The following RAD21L1 variants were observed in gnomAD, a reference collection of about 807,000 sequenced individuals.
RAD21L1 encodes the protein RAD21 cohesin complex component like 1.
Under a neutral mutation model 69.0 loss-of-function variants are expected in RAD21L1, and 47 were observed. The ratio of observed to expected loss-of-function variants is 0.68; its 90% CI spans 0.54 to 0.87. RAD21L1 has a LOEUF of 0.87. RAD21L1 is among the 40% of genes least tolerant of loss of function. RAD21L1 has a pLI of 0.00. For missense variants in RAD21L1, 583 were observed against 647.6 expected, an observed-to-expected ratio of 0.90 and a Z score of 1.08; for synonymous variants, 177 against 205.8, an observed-to-expected ratio of 0.86 and a Z score of 1.20.
rs932907453 is a variant in RAD21L1, at chr20:1,254,292, G to A, written c.1503G>A (p.Gln501=). 3 of 1,534,420 alleles carry A rather than the reference G, an allele frequency of 2.0e-6. No homozygotes were observed. The highest frequency in any genetic ancestry group is 1.7e-4 in the Middle Eastern group (1 of 5,910). The change falls in exon 14 of 14, where the codon CAG becomes CAA. Residue 501 remains glutamine, a synonymous_variant. Coordinates refer to ENST00000683101, the MANE Select transcript of RAD21L1 (RefSeq NM_001384355.1). ...RLRESNKMGM[Q]SFSLMKLCRN... ...AGGAATCTAACAAGATGGGAATGCA[G>A]TCCTTTAGTCTGATGAAGCTCTGTA...
intron 7 of RAD21L1, 136 bp from the exon 8 acceptor site, chr20:1,240,185 T>G: frequency 7.3e-7 from 1 of 1,368,386 alleles, no homozygotes; most frequent in African/African-American, 1.5e-5. Flanking sequence ...AAATAAATGG[T>G]TCTAAGAATT....
Position 1,230,055 on chromosome 20 carries a change from A to G in RAD21L1, c.274+46A>G, listed in dbSNP as rs779108203. 2.1e-6 allele frequency: 3 copies of G among 1,449,310 alleles called. No homozygotes were observed. The South Asian group carries it at 3.9e-5, about 19-fold the overall frequency. The allele number at this position is 1,449,310 out of a possible 1,614,324, so 89.8% of individuals were successfully genotyped here. A position where few individuals can be genotyped will look rare whatever the true frequency, so the allele number is the denominator to read the frequency against. ...TGTCTCCTTCTTGGTTCCCTTTTGC[A>G]TTTTAATTGGGGGTGGGATCTTTTA... On this transcript the variant is annotated intron_variant, in intron 3 of 13. Coordinates refer to ENST00000683101, the MANE Select transcript of RAD21L1 (RefSeq NM_001384355.1).
intron 12 of RAD21L1, among the ~76,000 whole-genome samples, chr20:1,247,331 T>C (rs2087737568): frequency 6.6e-6 from 1 of 152,170 alleles, no homozygotes; most frequent in Admixed American, 6.6e-5. Flanking sequence ...CTTTCTCTGG[T>C]TAGTTTAGTT....
At chr20:1,245,100 T>TA (rs1231517325) in intron 11 of RAD21L1, among the ~76,000 whole-genome samples, 1 of 152,160 alleles carries the variant, frequency 6.6e-6, no homozygotes, top group Non-Finnish European at 1.5e-5. Flanking sequence ...TTATCACAGA[T>TA]ATAACAAGAT....
intron 4 of RAD21L1, among the ~76,000 whole-genome samples, chr20:1,232,422 T>A (rs1247525199): frequency 6.6e-6 from 1 of 152,136 alleles, no homozygotes; most frequent in Non-Finnish European, 1.5e-5. Flanking sequence ...AGAAAGCACA[T>A]GAGAAAGTTA....
intron 13 of RAD21L1, among the ~76,000 whole-genome samples, chr20:1,251,175 A>T (rs538082496): frequency 6.6e-6 from 1 of 152,302 alleles, no homozygotes; most frequent in African/African-American, 2.4e-5. Flanking sequence ...TCTAGATGTA[A>T]GTTGAAAATA....
rs1166844680 is a variant in RAD21L1, at chr20:1,240,428, A to G, written c.850A>G (p.Ile284Val). 6.5e-7 allele frequency: 1 copy of G among 1,540,244 alleles called. No individual in the cohort carries two copies. Residue 284 changes from isoleucine (I) to valine (V), a missense_variant, in exon 8 of 14, where the codon ATT (isoleucine) becomes GTT (valine). By Grantham distance (29) the Ile-to-Val change is conservative. Coordinates refer to ENST00000683101, the MANE Select transcript of RAD21L1 (RefSeq NM_001384355.1). ...EEGFTLDPID[I>V]SDIAEKRKGK... is the part of the protein sequence containing the mutation. ...AGGATTTACCCTTGATCCAATTGAT[A>G]TTTCAGGTCAGAGGCATTTACGGTT... is the stretch of plus-strand genomic sequence containing the variant.
At chr20:1,252,605 CTTG>C (rs1452751720) in intron 13 of RAD21L1, among the ~76,000 whole-genome samples, 2 of 146,786 alleles carry the variant, frequency 1.4e-5, no homozygotes, top group Non-Finnish European at 3.1e-5. Flanking sequence ...AGCCTCAATG[CTTG>C]TTATCTCCAG....
chr20:1,240,861 G>T (rs984803386), intron 8 of RAD21L1, among the ~76,000 whole-genome samples: 3 of 152,172 alleles, frequency 2.0e-5, no homozygotes, highest in South Asian at 2.1e-4. Flanking sequence ...CTGCAAAACT[G>T]CCCTGAGCTG....
intron 13 of RAD21L1, among the ~76,000 whole-genome samples, chr20:1,250,683 T>C (rs2087810674): frequency 6.6e-6 from 1 of 152,244 alleles, no homozygotes; most frequent in South Asian, 2.1e-4. Context: ...GCATGTGTCT[T>C]TATAGCAGCA....
At chr20:1,226,275 C>G (rs2087257070) in intron 1 of RAD21L1, 135 bp downstream of exon 1, 2 of 151,942 alleles carry the variant, frequency 1.3e-5, no homozygotes, top group South Asian at 4.1e-4. Flanking sequence ...GGCGCCAAGC[C>G]CGGAGGGTCC....
chr20:1,253,400 G>A (rs1207819361), intron 13 of RAD21L1, among the ~76,000 whole-genome samples: 2 of 152,064 alleles, frequency 1.3e-5, no homozygotes, highest in African/African-American at 2.4e-5. Context: ...GGTTTCAAGC[G>A]ATTCTTCTGC....
In RAD21L1 at chr20:1,255,260, A is replaced by G. The variant is rs991572361; in HGVS notation, c.*803A>G. 6.6e-6 allele frequency among the ~76,000 whole-genome samples: 1 copy of G among 152,224 alleles called. No homozygotes were observed. Among genetic ancestry groups the G allele is most frequent in the Non-Finnish European group, 1.5e-5 (1 of 68,036 alleles). ...GCTTCTTATGTTTAAAAAAATTAGC[A>G]GACACTTGTTCCTCATGTTGTTTGC... On this transcript the variant is annotated 3_prime_UTR_variant, in exon 14 of 14. Coordinates refer to ENST00000683101, the MANE Select transcript of RAD21L1 (RefSeq NM_001384355.1).
intron 11 of RAD21L1, 51 bp downstream of exon 11, chr20:1,244,221 G>A (rs2087676158): frequency 1.6e-6 from 2 of 1,251,160 alleles, no homozygotes; most frequent in East Asian, 2.6e-5. Flanking sequence ...TACAGATACA[G>A]TAAAGGAATG....
At chr20:1,250,222 A>C (rs1381633002) in intron 13 of RAD21L1, among the ~76,000 whole-genome samples, 7 of 149,822 alleles carry the variant, frequency 4.7e-5, no homozygotes, top group African/African-American at 1.7e-4. Flanking sequence ...TCCATGGTGT[A>C]TATGTGCCAC....
In RAD21L1 at chr20:1,240,958, A is replaced by G. The variant is rs138310979; in HGVS notation, c.856+524A>G. ...CACCACCAGAGGTGTAACACTGCCT[A>G]TTCAATAAAGCTGTTTTCTTCTACC... On this transcript the variant is annotated intron_variant, in intron 8 of 13. Transcript: ENST00000683101. 8.0e-4 allele frequency among the ~76,000 whole-genome samples: 122 copies of G among 152,308 alleles called. 1 individual carries two copies. Among genetic ancestry groups the G allele is most frequent in the East Asian group, 4.2e-3 (22 of 5,182 alleles).
intron 10 of RAD21L1, 134 bp downstream of exon 10, chr20:1,243,330 G>T: frequency 1.9e-6 from 1 of 522,762 alleles, no homozygotes; most frequent in Non-Finnish European, 3.4e-6. Flanking sequence ...AAGAGTAGTG[G>T]AACTTAAATG....
chr20:1,229,827 A>G (rs1212466419), intron 2 of RAD21L1, 53 bp from the exon 3 acceptor site: 3 of 1,342,288 alleles, frequency 2.2e-6, no homozygotes, highest in Admixed American at 4.6e-5. Flanking sequence ...TTCAAAGAAT[A>G]GGATTTATGA....
chr20:1,233,928 A>T (rs2087444372), intron 4 of RAD21L1, among the ~76,000 whole-genome samples, 157 bp from the exon 5 acceptor site: 1 of 152,218 alleles, frequency 6.6e-6, no homozygotes, highest in Non-Finnish European at 1.5e-5. Context: ...AAGCCTAGAG[A>T]TTATTTATAT....
Sources: allele counts gnomAD v4.1 joint callset (sites outside exome capture counted in the v4.1 genomes callset), GRCh38; gene constraint gnomAD v4.1.1; transcripts MANE v1.5; gene names NCBI Gene and HGNC (gene_info 2026-07-23, HGNC 2026-07-21).